The following EXD3 variants were observed in gnomAD, a reference collection of about 807,000 sequenced individuals.
EXD3 encodes the protein exonuclease mut-7 homolog.
EXD3 carries 92 observed loss-of-function variants against 98.0 expected under a neutral mutation model. The observed-to-expected ratio is 0.94, with a 90% CI of 0.79 to 1.12. The LOEUF (loss-of-function observed/expected upper bound fraction) is 1.12, where lower values mean the gene tolerates loss of function less well. Ranked by LOEUF, EXD3 falls within the 50% of genes most tolerant of loss-of-function variation. EXD3 has a pLI of 0.00. For synonymous variants in EXD3, 569 were observed against 526.0 expected (o/e 1.08, Z -1.12); for missense variants, 1,222 against 1,191.6 (o/e 1.03, Z -0.38).
intron 3 of EXD3, among the ~76,000 whole-genome samples, chr9:137,376,644 T>A (rs1339711345): frequency 2.0e-5 from 3 of 152,044 alleles, no homozygotes; most frequent in African/African-American, 7.2e-5. Context: ...AAAATGCCTC[T>A]TTTGGCCGGG....
At chr9:137,368,200 G>C (rs937359980) in intron 5 of EXD3, among the ~76,000 whole-genome samples, 3 of 152,258 alleles carry the variant, frequency 2.0e-5, no homozygotes, top group Non-Finnish European at 2.9e-5. Context: ...CATAGGCTGG[G>C]ACAGGTGGGA....
chr9:137,331,656 CT>C (rs1442027813), intron 17 of EXD3, among the ~76,000 whole-genome samples: 3 of 152,182 alleles, frequency 2.0e-5, no homozygotes, highest in Admixed American at 2.0e-4. Flanking sequence ...TGGCTCACGC[CT>C]GTAATCCCAG....
chr9:137,387,853 G>A (rs1259614218), intron 2 of EXD3, among the ~76,000 whole-genome samples: 4 of 152,170 alleles, frequency 2.6e-5, no homozygotes, highest in Non-Finnish European at 5.9e-5. Context: ...TCCGTGGGTG[G>A]CCTCTGGCCC....
chr9:137,330,612 GACTACACAGGA>G (rs1360925421), intron 17 of EXD3, among the ~76,000 whole-genome samples: 1 of 140,174 alleles, frequency 7.1e-6, no homozygotes, highest in African/African-American at 2.7e-5. Flanking sequence ...GACTACACAG[GACTACACAGGA>G]ACTACACAGG....
chr9:137,417,791 G>A lies in EXD3; in HGVS notation c.-48+5323C>T, dbSNP rs1838308805. On this transcript the variant is annotated intron_variant, in intron 1 of 21. Coordinates refer to ENST00000340951, the MANE Select transcript of EXD3 (RefSeq NM_017820.5). ...TGGGCCCTTCCCGCCTCCTTCAAGC[G>A]CAGGCCGTGCCGCGGGCCGGTCCTG... Among the ~76,000 whole-genome samples, 3 of 152,222 alleles carry A rather than the reference G, an allele frequency of 2.0e-5. No individual in the cohort carries two copies. In the South Asian group the frequency reaches 6.2e-4, roughly 32 times the overall value.
Position 137,398,173 on chromosome 9 carries a change from G to A in EXD3, c.-47-2769C>T, listed in dbSNP as rs142621022. On this transcript the variant is annotated intron_variant, in intron 1 of 21. Coordinates refer to ENST00000340951, the MANE Select transcript of EXD3 (RefSeq NM_017820.5). ...CAAAGAAGGACCAGATTGAAAGAAC[G>A]AGGGGGAAAGACAGAAGGAACTGTG... 4.0e-3 allele frequency among the ~76,000 whole-genome samples: 613 copies of A among 152,338 alleles called. 5 individuals are homozygous for A. Among genetic ancestry groups the A allele is most frequent in the African/African-American group, 0.014 (587 of 41,568 alleles).
intron 17 of EXD3, among the ~76,000 whole-genome samples, chr9:137,334,203 T>C (rs113818112): frequency 0.014 from 2,191 of 152,302 alleles, 31 homozygotes; most frequent in African/African-American, 0.048. Flanking sequence ...GGTTTCACCA[T>C]GTTGGCCGGG....
intron 2 of EXD3, among the ~76,000 whole-genome samples, chr9:137,390,798 G>A (rs968648240): frequency 1.3e-5 from 2 of 152,248 alleles, no homozygotes; most frequent in African/African-American, 4.8e-5. Context: ...CTGGGCCTGG[G>A]CAGGCGCCGG....
intron 1 of EXD3, among the ~76,000 whole-genome samples, chr9:137,420,739 C>CA (rs1005521536): frequency 2.2e-5 from 3 of 134,890 alleles, no homozygotes; most frequent in Admixed American, 7.2e-5. Flanking sequence ...AGACATTCAC[C>CA]CCCCCCCCCA....
chr9:137,355,421 AGGAGGAAGGAGGAT>A (rs1834588682), intron 8 of EXD3, among the ~76,000 whole-genome samples: 3 of 117,110 alleles, frequency 2.6e-5, no homozygotes, highest in African/African-American at 3.8e-5. Context: ...GCAGGGAGGA[AGGAGGAAGGAGGAT>A]GGAGGAAGGG....
chr9:137,418,542 G>C (rs1006391412), intron 1 of EXD3, among the ~76,000 whole-genome samples: 1 of 151,896 alleles, frequency 6.6e-6, no homozygotes, highest in African/African-American at 2.4e-5. Flanking sequence ...ATGATGAAAT[G>C]GTTTCCATCT....
intron 9 of EXD3, 50 bp downstream of exon 9, chr9:137,354,650 T>C (rs1588332045): frequency 1.9e-6 from 3 of 1,604,898 alleles, no homozygotes; most frequent in East Asian, 2.2e-5. Context: ...CCAAACTCTG[T>C]GGCTCAGGCC....
Position 137,403,040 on chromosome 9 carries a change from TAC to T in EXD3, c.-47-7638_-47-7637del, listed in dbSNP as rs747380012. ...CACAACAGGTGGGAATTCTGGGAGATACAATTCAAGTTGAGATGTGGGTGAGG... is the reference window on the plus strand; with the variant it reads ...CACAACAGGTGGGAATTCTGGGAGATAATTCAAGTTGAGATGTGGGTGAGG... On this transcript the variant is annotated intron_variant, in intron 1 of 21. Transcript: ENST00000340951. The surrounding 1 kb of genome is among the most constrained non-coding windows in gnomAD (Gnocchi z 6.1). Among the ~76,000 whole-genome samples the T allele has an allele frequency of 3.3e-5, 5 of 152,120 alleles. No individual in the cohort carries two copies. Among genetic ancestry groups the T allele is most frequent in the Non-Finnish European group, 2.9e-5 (2 of 68,026 alleles).
intron 2 of EXD3, among the ~76,000 whole-genome samples, chr9:137,390,883 A>G (rs1048970184): frequency 2.6e-5 from 4 of 152,234 alleles, no homozygotes; most frequent in Admixed American, 1.3e-4. Context: ...GGTCAAGGCC[A>G]GTGGACGCTG....
Position 137,366,045 on chromosome 9 carries a change from CACATGCACAT to C in EXD3, c.656+438_656+447del, listed in dbSNP as rs1364476001. ...ACACATACATGCACACACATGCACA[CACATGCACAT>C]GGCTTCCCTGAATCCATACAGGCAC... On this transcript the variant is annotated intron_variant, in intron 7 of 21. Transcript: ENST00000340951. The C allele has an allele frequency of 2.7e-4, 176 of 661,180 alleles. 1 individual carries two copies. The African/African-American group carries it at 2.8e-3, about 11-fold the overall frequency. 41.0% of individuals were successfully genotyped at this position (661,180 alleles called of 1,614,324 possible).
chr9:137,357,073 A>C (rs1404905583), intron 7 of EXD3, among the ~76,000 whole-genome samples: 2 of 152,228 alleles, frequency 1.3e-5, no homozygotes, highest in African/African-American at 2.4e-5. Flanking sequence ...CCCTTAGCAC[A>C]GGCAGGCTTG....
At chr9:137,353,036 G>C (rs137991577) in intron 10 of EXD3, 6 of 1,326,978 alleles carry the variant, frequency 4.5e-6, no homozygotes, top group Non-Finnish European at 4.8e-6. Context: ...CTGGCCTTCC[G>C]GGTCTCCAAG....
intron 19 of EXD3, among the ~76,000 whole-genome samples, chr9:137,310,039 T>C (rs1009217505): frequency 6.6e-6 from 1 of 152,260 alleles, no homozygotes; most frequent in Non-Finnish European, 1.5e-5. Context: ...AGCTGGCGTG[T>C]TGGACACAGG....
In EXD3 at chr9:137,381,935, G is replaced by A. The variant is rs1836295184; in HGVS notation, c.120+1378C>T. ...TGTGATGGAGGCGCGAGGAGGAGGT[G>A]AGAGCACGAGGAGGAGGTGAGGGCG... On this transcript the variant is annotated intron_variant, in intron 3 of 21. Coordinates refer to ENST00000340951, the MANE Select transcript of EXD3 (RefSeq NM_017820.5). Among the ~76,000 whole-genome samples, 3 of 152,216 alleles carry A rather than the reference G, an allele frequency of 2.0e-5. No individual in the cohort carries two copies. The South Asian group carries it at 6.2e-4, about 32-fold the overall frequency.
Sources: allele counts gnomAD v4.1 joint callset (sites outside exome capture counted in the v4.1 genomes callset), GRCh38; gene constraint gnomAD v4.1.1; non-coding constraint Gnocchi (gnomAD v3.1); transcripts MANE v1.5; gene names NCBI Gene and HGNC (gene_info 2026-07-23, HGNC 2026-07-21).